Variants in TASP1 observed in about 807,000 individuals in gnomAD.
The protein encoded by TASP1 is threonine aspartase 1.
Under a neutral mutation model 56.6 loss-of-function variants are expected in TASP1, and 16 were observed. The ratio of observed to expected loss-of-function variants is 0.28; its 90% CI spans 0.19 to 0.43. The LOEUF (loss-of-function observed/expected upper bound fraction) is 0.43. TASP1 is among the 20% of genes least tolerant of loss of function. The pLI is 1.00. For synonymous variants in TASP1, 179 were observed against 184.2 expected (o/e 0.97, Z 0.23); for missense variants, 393 against 511.6 (o/e 0.77, Z 2.24).
chr20:13,619,843 AC>A (rs1395572096), intron 4 of TASP1, among the ~76,000 whole-genome samples: 21 of 152,348 alleles, frequency 1.4e-4, no homozygotes, highest in African/African-American at 4.6e-4. Flanking sequence ...GCTATATGAA[AC>A]AACAGGAATG....
chr20:13,546,626 G>A (rs368244884), intron 8 of TASP1, among the ~76,000 whole-genome samples: 1 of 152,228 alleles, frequency 6.6e-6, no homozygotes, highest in African/African-American at 2.4e-5. Flanking sequence ...TTGGCGGTGT[G>A]GGGAAGACAT....
At chr20:13,183,634 C>G in the TASP1 span, among the ~76,000 whole-genome samples, 84 of 152,220 alleles carry the variant, frequency 5.5e-4, no homozygotes, top group East Asian at 5.2e-3. Flanking sequence ...AAATAATTCT[C>G]TCCAAATTAT....
the TASP1 span, among the ~76,000 whole-genome samples, chr20:13,149,874 G>A: frequency 3.3e-5 from 5 of 152,296 alleles, no homozygotes; most frequent in East Asian, 1.9e-4. Flanking sequence ...ATAGGCAAGC[G>A]CAAAGATAAT....
the TASP1 span, among the ~76,000 whole-genome samples, chr20:13,112,989 C>G: frequency 6.6e-6 from 1 of 152,134 alleles, no homozygotes; most frequent in African/African-American, 2.4e-5. Context: ...TCGAGACCAG[C>G]CTAGCCAACA....
At chr20:13,457,590 CT>C (rs974223247) in intron 11 of TASP1, among the ~76,000 whole-genome samples, 7 of 151,854 alleles carry the variant, frequency 4.6e-5, no homozygotes, top group Middle Eastern at 3.2e-3. Flanking sequence ...CTTTTTAATG[CT>C]TTTTTTCTTT....
chr20:13,316,781 A>G, the TASP1 span, among the ~76,000 whole-genome samples: 1 of 151,880 alleles, frequency 6.6e-6, no homozygotes, highest in Non-Finnish European at 1.5e-5. Flanking sequence ...AATAGATGGG[A>G]ACTTCCTCAA....
the TASP1 span, among the ~76,000 whole-genome samples, chr20:13,180,567 G>C: frequency 6.6e-6 from 1 of 152,066 alleles, no homozygotes; most frequent in Non-Finnish European, 1.5e-5. Context: ...CTGAACATTT[G>C]TTAATTTGTT....
At chr20:13,517,205 G>T (rs2044573770) in intron 10 of TASP1, among the ~76,000 whole-genome samples, 1 of 151,948 alleles carries the variant, frequency 6.6e-6, no homozygotes, top group Admixed American at 6.6e-5. Flanking sequence ...ATATTACCAA[G>T]GCCCCAGGTT....
the TASP1 span, among the ~76,000 whole-genome samples, chr20:13,302,332 T>C: frequency 1.3e-5 from 2 of 152,330 alleles, no homozygotes; most frequent in Admixed American, 1.3e-4. Context: ...CCATGCATCA[T>C]CAGATGGTTC....
intron 11 of TASP1, among the ~76,000 whole-genome samples, chr20:13,441,141 C>T (rs1275853215): frequency 6.6e-6 from 1 of 152,036 alleles, no homozygotes; most frequent in Non-Finnish European, 1.5e-5. Context: ...TTTTGCCTGC[C>T]CCCTCCCTTC....
intron 11 of TASP1, among the ~76,000 whole-genome samples, chr20:13,452,468 T>C (rs540380466): frequency 6.6e-6 from 1 of 151,488 alleles, no homozygotes; most frequent in Non-Finnish European, 1.5e-5. Flanking sequence ...AGACACAATT[T>C]ACTTATATAA....
At chr20:13,191,275 G>A in the TASP1 span, among the ~76,000 whole-genome samples, 2 of 152,144 alleles carry the variant, frequency 1.3e-5, no homozygotes, top group African/African-American at 4.8e-5. Context: ...GCTCTCGGAC[G>A]AGGTATCTGC....
intron 4 of TASP1, among the ~76,000 whole-genome samples, chr20:13,592,397 C>CAAAAA (rs34379997): frequency 7.2e-6 from 1 of 138,296 alleles, no homozygotes; most frequent in Admixed American, 7.2e-5. Context: ...AACACTGTCT[C>CAAAAA]AAAAAAAAAA....
At chr20:13,191,936 A>G in the TASP1 span, among the ~76,000 whole-genome samples, 1 of 152,170 alleles carries the variant, frequency 6.6e-6, no homozygotes, top group Non-Finnish European at 1.5e-5. Context: ...AAATACTGGC[A>G]CCTTTGTCTT....
intron 11 of TASP1, among the ~76,000 whole-genome samples, chr20:13,440,635 G>T (rs530674719): frequency 4.0e-5 from 6 of 151,434 alleles, no homozygotes; most frequent in Admixed American, 3.9e-4. Flanking sequence ...TAGTTAGGAT[G>T]TGAATAGCTA....
intron 11 of TASP1, among the ~76,000 whole-genome samples, chr20:13,480,274 G>A (rs904142398): frequency 2.6e-5 from 4 of 152,074 alleles, no homozygotes; most frequent in Non-Finnish European, 5.9e-5. Context: ...CCAATGAGAC[G>A]GACACAAAGT....
the TASP1 span, among the ~76,000 whole-genome samples, chr20:13,364,727 A>G: frequency 6.6e-6 from 1 of 151,904 alleles, no homozygotes; most frequent in African/African-American, 2.4e-5. Flanking sequence ...AGAGAACTTG[A>G]AGTGACCTGG....
chr20:13,560,841 GAACACCCAAGATATA>G (rs2046321395), intron 7 of TASP1, among the ~76,000 whole-genome samples: 1 of 152,134 alleles, frequency 6.6e-6, no homozygotes, highest in South Asian at 2.1e-4. Context: ...TGAAAGATAT[GAACACCCAAGATATA>G]AACACCCAAG....
chr20:13,581,493 G>C lies in TASP1; in HGVS notation c.404-512C>G, dbSNP rs78339721. Among the ~76,000 whole-genome samples, 52 of 152,320 alleles carry C rather than the reference G, an allele frequency of 3.4e-4. 1 individual carries two copies. In the East Asian group the frequency reaches 8.1e-3, roughly 24 times the overall value. Reference sequence around the variant, plus strand: ...AAAATTTTAAATGTCACCTACAAGAGAGACAGAACGGGGAAATGTCCTTCA... The same window carrying C: ...AAAATTTTAAATGTCACCTACAAGACAGACAGAACGGGGAAATGTCCTTCA... On this transcript the variant is annotated intron_variant, in intron 5 of 13. Transcript: ENST00000337743.
Sources: allele counts gnomAD v4.1 joint callset (sites outside exome capture counted in the v4.1 genomes callset), GRCh38; gene constraint gnomAD v4.1.1; transcripts MANE v1.5; gene names NCBI Gene and HGNC (gene_info 2026-07-23, HGNC 2026-07-21).